KIF26B: variants seen among roughly 807,000 people sequenced by gnomAD.
The protein encoded by KIF26B is kinesin family member 26B.
KIF26B carries 63 observed loss-of-function variants against 151.2 expected under a neutral mutation model. The ratio of observed to expected loss-of-function variants is 0.42; its 90% CI spans 0.34 to 0.51. The LOEUF is 0.51. Ranked by LOEUF, KIF26B falls within the 20% of genes least tolerant of loss-of-function variation. The probability of loss-of-function intolerance (pLI) is 0.07; values close to 1 mark genes in which losing one functional copy is unlikely to be tolerated. For missense variants in KIF26B, 2,813 were observed against 2,913.6 expected (o/e 0.97, Z 0.79); for synonymous variants, 1,357 against 1,262.1 (o/e 1.08, Z -1.59).
chr1:245,623,367 C>T, intron 9 of KIF26B, among the ~76,000 whole-genome samples: 1 of 152,104 alleles, frequency 6.6e-6, no homozygotes, highest in East Asian at 1.9e-4. Context: ...TGGCTTCTTT[C>T]ACTTAGCATA....
At chr1:245,333,362 G>A (rs1672151571) in intron 2 of KIF26B, among the ~76,000 whole-genome samples, 1 of 152,224 alleles carries the variant, frequency 6.6e-6, no homozygotes, top group African/African-American at 2.4e-5. Context: ...CAAATACTGT[G>A]TGACGCCACT....
At chr1:245,328,098 G>A (rs1337394018) in intron 2 of KIF26B, among the ~76,000 whole-genome samples, 2 of 151,028 alleles carry the variant, frequency 1.3e-5, no homozygotes, top group Admixed American at 6.6e-5. Context: ...GTGGGCAGGA[G>A]GTCTCCGAAT....
At chr1:245,693,101 C>T (rs939727268) in intron 12 of KIF26B, among the ~76,000 whole-genome samples, 1 of 152,196 alleles carries the variant, frequency 6.6e-6, no homozygotes, top group East Asian at 1.9e-4. Context: ...TAACATTTCA[C>T]CCTCATCCTG....
chr1:245,305,268 T>G (rs1371772023), intron 2 of KIF26B, among the ~76,000 whole-genome samples: 1 of 152,166 alleles, frequency 6.6e-6, no homozygotes, highest in Non-Finnish European at 1.5e-5. Flanking sequence ...GGAAAGCTTT[T>G]TTTGTTGCAA....
chr1:245,408,389 C>G (rs1393854300), intron 3 of KIF26B, among the ~76,000 whole-genome samples: 2 of 119,610 alleles, frequency 1.7e-5, no homozygotes, highest in East Asian at 5.3e-4. Context: ...CAGTCTTGCT[C>G]TGTCACCTAG....
chr1:245,491,645 C>T (rs757873901), intron 4 of KIF26B, among the ~76,000 whole-genome samples: 32 of 152,190 alleles, frequency 2.1e-4, no homozygotes, highest in African/African-American at 6.8e-4. Flanking sequence ...CAGTGTCTCA[C>T]GCCTATCATC....
rs1239289244 is a variant in KIF26B at position 245,688,644 on chromosome 1, C to T, written c.5661C>T (p.Ala1887=). The T allele has an allele frequency of 6.2e-7, 1 of 1,603,426 alleles. No homozygotes were observed. Among genetic ancestry groups the T allele is most frequent in the South Asian group, 1.1e-5 (1 of 89,314 alleles). Residue 1887 remains alanine (A), a synonymous_variant, in exon 12 of 15, where the codon GCC becomes GCT. Coordinates refer to ENST00000407071, the MANE Select transcript of KIF26B (RefSeq NM_018012.4). The part of the protein sequence containing the change: ...GELPPAMGKT[A]LFYHSGGSSG... ...TCCCGCCGGCCATGGGGAAGACGGC[C>T]CTGTTCTACCACAGCGGCGGCAGCA...
intron 2 of KIF26B, among the ~76,000 whole-genome samples, chr1:245,299,098 C>T (rs371035791): frequency 2.0e-5 from 3 of 152,322 alleles, no homozygotes; most frequent in African/African-American, 7.2e-5. Context: ...TAACCCAGCT[C>T]GCTGCCTCCC....
intron 2 of KIF26B, among the ~76,000 whole-genome samples, chr1:245,344,882 TG>T (rs1228133077): frequency 1.3e-5 from 2 of 152,072 alleles, no homozygotes; most frequent in Non-Finnish European, 2.9e-5. Context: ...CGTTGATTCG[TG>T]GAAAAACAGG....
chr1:245,510,624 C>T (rs1044953589), intron 4 of KIF26B, among the ~76,000 whole-genome samples: 13 of 150,742 alleles, frequency 8.6e-5, no homozygotes, highest in African/African-American at 3.0e-4. Flanking sequence ...CTTCCCCTCT[C>T]TCCCTGTTTC....
At chr1:245,207,094 C>T (rs1055650559) in intron 2 of KIF26B, among the ~76,000 whole-genome samples, 3 of 152,116 alleles carry the variant, frequency 2.0e-5, no homozygotes, top group Admixed American at 6.5e-5. Context: ...CAGAGAAGGG[C>T]AGAGTGGGGC....
At chr1:245,386,215 TG>T (rs1412534591) in intron 3 of KIF26B, among the ~76,000 whole-genome samples, 2 of 151,660 alleles carry the variant, frequency 1.3e-5, no homozygotes, top group Non-Finnish European at 2.9e-5. Flanking sequence ...CACTCCAGCC[TG>T]GGCAACAGAG....
At position 245,227,460 on chromosome 1, in the gene KIF26B, G is replaced by A. The variant is rs1421809247; in HGVS notation, c.465+70777G>A. ...CTCTTCGCCATCATTGGCCTCTCTTGTTTCTTCCCACCCCTGTCACACCGC... is the reference window on the plus strand; with the variant it reads ...CTCTTCGCCATCATTGGCCTCTCTTATTTCTTCCCACCCCTGTCACACCGC... On this transcript the variant is annotated intron_variant, in intron 2 of 14. Coordinates refer to ENST00000407071, the MANE Select transcript of KIF26B (RefSeq NM_018012.4). This position sits in a 1 kb window ranked among gnomAD's most constrained non-coding sequence, Gnocchi z 4.1. Among the ~76,000 whole-genome samples the A allele has an allele frequency of 1.3e-5, 2 of 152,130 alleles. No homozygotes were observed. Among genetic ancestry groups the A allele is most frequent in the Non-Finnish European group, 2.9e-5 (2 of 68,018 alleles).
intron 2 of KIF26B, among the ~76,000 whole-genome samples, chr1:245,301,509 C>A (rs1671428792): frequency 6.6e-6 from 1 of 152,148 alleles, no homozygotes; most frequent in African/African-American, 2.4e-5. Context: ...TGGCCAAAGT[C>A]TGGCCGGGCT....
chr1:245,504,848 AAATTTTAACG>A (rs1422181358), intron 4 of KIF26B, among the ~76,000 whole-genome samples: 1 of 152,346 alleles, frequency 6.6e-6, no homozygotes, highest in African/African-American at 2.4e-5. Flanking sequence ...AGAAATGGTA[AAATTTTAACG>A]AATTTTAAAT....
At chr1:245,185,439 G>T (rs994057459) in intron 2 of KIF26B, among the ~76,000 whole-genome samples, 1 of 152,212 alleles carries the variant, frequency 6.6e-6, no homozygotes, top group African/African-American at 2.4e-5. Flanking sequence ...CACAAGGAAG[G>T]GAGGGGGGTC....
chr1:245,439,396 G>A (rs1168905658), intron 4 of KIF26B, among the ~76,000 whole-genome samples: 1 of 151,292 alleles, frequency 6.6e-6, no homozygotes, highest in African/African-American at 2.4e-5. Flanking sequence ...AATTTTGTTG[G>A]GATTAGAGAA....
rs966949243 is a variant in KIF26B, at chr1:245,692,983, A to G, written c.5824+4176A>G. 2.0e-5 allele frequency among the ~76,000 whole-genome samples: 3 copies of G among 152,114 alleles called. 1 individual carries two copies. Among genetic ancestry groups the G allele is most frequent in the Non-Finnish European group, 4.4e-5 (3 of 68,026 alleles). On this transcript the variant is annotated intron_variant, in intron 12 of 14. Transcript: ENST00000407071. ...CAATCTGTGATACACAGTTGATGCC[A>G]TAATTACACCAGCTGAGCCCCTACC... is the stretch of plus-strand genomic sequence containing the variant.
chr1:245,699,049 G>T lies in KIF26B; in HGVS notation c.6178+12G>T. The T allele has an allele frequency of 1.2e-6, 2 of 1,611,762 alleles. No homozygotes were observed. Among genetic ancestry groups the T allele is most frequent in the Non-Finnish European group, 1.7e-6 (2 of 1,178,566 alleles). The stretch of plus-strand genomic sequence containing the variant: ...GTGGCTCAGTGAATGTAAGGCCGGG[G>T]TGCCTTCCCACCCTTGTGACTAGTG... On this transcript the variant is annotated intron_variant, in intron 14 of 14. Transcript: ENST00000407071.
Sources: allele counts gnomAD v4.1 joint callset (sites outside exome capture counted in the v4.1 genomes callset), GRCh38; gene constraint gnomAD v4.1.1; non-coding constraint Gnocchi (gnomAD v3.1); transcripts MANE v1.5; gene names NCBI Gene and HGNC (gene_info 2026-07-23, HGNC 2026-07-21).